Variants in STARD13 observed in about 807,000 individuals in gnomAD.
The protein encoded by STARD13 is StAR related lipid transfer domain containing 13, also known as stAR-related lipid transfer protein 13.
In STARD13, 62 loss-of-function variants were observed where a neutral mutation model predicts 106.4. The observed-to-expected ratio is 0.58, with a 90% CI of 0.48 to 0.72. STARD13 has a LOEUF of 0.72. Among genes scored for constraint, STARD13 ranks in the 30% least tolerant of loss-of-function variants. STARD13 has a pLI of 0.00. For missense variants in STARD13, 1,387 were observed against 1,424.0 expected (o/e 0.97, Z 0.42); for synonymous variants, 565 against 553.0 (o/e 1.02, Z -0.31).
At chr13:33,652,700 G>C in the STARD13 span, among the ~76,000 whole-genome samples, 1 of 152,094 alleles carries the variant, frequency 6.6e-6, no homozygotes, top group Non-Finnish European at 1.5e-5. Flanking sequence ...AACTACTTAG[G>C]AGAAAAAATG....
At chr13:33,540,822 A>G in the STARD13 span, among the ~76,000 whole-genome samples, 3 of 152,366 alleles carry the variant, frequency 2.0e-5, no homozygotes, top group South Asian at 6.2e-4. Flanking sequence ...AGGAAAGGGC[A>G]AAGTCAGTAA....
chr13:33,337,571 C>G (rs1175192561), intron 1 of STARD13, among the ~76,000 whole-genome samples: 1 of 152,138 alleles, frequency 6.6e-6, no homozygotes, highest in Admixed American at 6.5e-5. Flanking sequence ...TTGTCAGAAT[C>G]AATAAACAAT....
Position 33,142,303 on chromosome 13 carries a change from C to T in STARD13, c.387+7G>A, listed in dbSNP as rs990082039. On this transcript the variant is annotated splice_region_variant and intron_variant, in intron 4 of 13. Coordinates refer to ENST00000336934, the MANE Select transcript of STARD13 (RefSeq NM_178006.4). Reference sequence around the variant, plus strand: ...AGCCACATTCTTATTAAGGTGTGGGCACCTACCTTTTTCCTTTGGAAGTTC... The same window carrying T: ...AGCCACATTCTTATTAAGGTGTGGGTACCTACCTTTTTCCTTTGGAAGTTC... 4 of 1,612,216 alleles carry T rather than the reference C, an allele frequency of 2.5e-6. No homozygotes were observed. Among genetic ancestry groups the T allele is most frequent in the Non-Finnish European group, 1.7e-6 (2 of 1,178,306 alleles).
At chr13:33,468,657 G>T in the STARD13 span, among the ~76,000 whole-genome samples, 3 of 148,208 alleles carry the variant, frequency 2.0e-5, no homozygotes, top group Non-Finnish European at 3.0e-5. Context: ...ACTCTCACCA[G>T]ATGCTAATGT....
chr13:33,474,436 G>A, the STARD13 span, among the ~76,000 whole-genome samples: 2 of 152,202 alleles, frequency 1.3e-5, no homozygotes, highest in Non-Finnish European at 2.9e-5. Context: ...GAATTCTGAG[G>A]TAAAAGCTAG....
the STARD13 span, among the ~76,000 whole-genome samples, chr13:33,560,939 C>A: frequency 6.6e-6 from 1 of 151,440 alleles, no homozygotes. Flanking sequence ...AACTTACATT[C>A]TTTGGACTGA....
At chr13:33,528,265 T>TATATATATATATATATATAC in the STARD13 span, among the ~76,000 whole-genome samples, 5 of 131,546 alleles carry the variant, frequency 3.8e-5, no homozygotes, top group African/African-American at 1.6e-4. Context: ...TACATATATA[T>TATATATATATATATATATAC]ATATATATAC....
At chr13:33,364,313 A>C in the STARD13 span, among the ~76,000 whole-genome samples, 1 of 152,288 alleles carries the variant, frequency 6.6e-6, no homozygotes, top group Admixed American at 6.5e-5. Flanking sequence ...AAAAAATAAA[A>C]TTTAAAAACA....
chr13:33,286,619 C>A (rs889149617), upstream of STARD13, among the ~76,000 whole-genome samples: 1 of 152,104 alleles, frequency 6.6e-6, no homozygotes, highest in African/African-American at 2.4e-5. Context: ...TCAAAAAGGA[C>A]GCAAACACAA....
At position 33,285,573 on chromosome 13, in the gene STARD13, C is replaced by T; in HGVS notation, c.66G>A (p.Glu22=). The change falls in exon 1 of 14, where the codon GAG becomes GAA. Residue 22 remains glutamate, a synonymous_variant. Transcript: ENST00000336934. The part of the protein sequence containing the change: ...GCYYLNSMTP[E]GQEMYLRFDQ... ...CAAATCGCAAGTACATCTCCTGGCC[C>T]TCAGGTGTCATGGAATTTAGGTAGT... is the stretch of plus-strand genomic sequence containing the variant. The T allele has an allele frequency of 6.2e-7, 1 of 1,613,992 alleles. No homozygotes were observed. The highest frequency in any genetic ancestry group is 2.2e-5 in the East Asian group (1 of 44,874).
At chr13:33,158,738 A>G (rs1382963656) in intron 3 of STARD13, 1 of 152,134 alleles carries the variant, frequency 6.6e-6, no homozygotes, top group African/African-American at 2.4e-5. Context: ...AAAGTTTTAA[A>G]AGTGCTGCCG....
At chr13:33,557,029 C>A in the STARD13 span, among the ~76,000 whole-genome samples, 1 of 152,174 alleles carries the variant, frequency 6.6e-6, no homozygotes, top group African/African-American at 2.4e-5. Flanking sequence ...TCAAACAGTA[C>A]CTAGCTGGAT....
the STARD13 span, among the ~76,000 whole-genome samples, chr13:33,546,220 TTC>T: frequency 6.6e-6 from 1 of 152,202 alleles, no homozygotes; most frequent in South Asian, 2.1e-4. Flanking sequence ...TCTGATTTTT[TTC>T]TCTTATTTTC....
At chr13:33,552,205 T>C in the STARD13 span, among the ~76,000 whole-genome samples, 1 of 152,054 alleles carries the variant, frequency 6.6e-6, no homozygotes, top group Admixed American at 6.6e-5. Flanking sequence ...AACACCCCAA[T>C]CTCGATAATT....
the STARD13 span, among the ~76,000 whole-genome samples, chr13:33,583,045 T>C: frequency 6.6e-6 from 1 of 152,210 alleles, no homozygotes; most frequent in Non-Finnish European, 1.5e-5. Context: ...AGGTTCTCTG[T>C]GAACTGCATG....
the STARD13 span, among the ~76,000 whole-genome samples, chr13:33,577,685 G>A: frequency 2.6e-5 from 4 of 151,954 alleles, no homozygotes; most frequent in African/African-American, 7.3e-5. Context: ...ATCTAGACAC[G>A]GAGCTTGCAT....
chr13:33,509,025 G>T, the STARD13 span, among the ~76,000 whole-genome samples: 1 of 152,176 alleles, frequency 6.6e-6, no homozygotes, highest in Non-Finnish European at 1.5e-5. Flanking sequence ...AAAAGGTACT[G>T]TAAAAATATG....
At chr13:33,655,645 C>T in the STARD13 span, among the ~76,000 whole-genome samples, 1 of 152,272 alleles carries the variant, frequency 6.6e-6, no homozygotes, top group East Asian at 1.9e-4. Flanking sequence ...TAGATGTAAG[C>T]CCTTTGGAAA....
chr13:33,672,497 G>T, the STARD13 span, among the ~76,000 whole-genome samples: 1,592 of 152,228 alleles, frequency 0.01, 24 homozygotes, highest in African/African-American at 0.035. Context: ...AAACCTGCAC[G>T]TTCTGCACAT....
Sources: gnomAD v4.1 joint callset for allele counts (sites outside exome capture counted in the v4.1 genomes callset) on GRCh38, gnomAD v4.1.1 for gene constraint, MANE v1.5 for transcripts, NCBI Gene and HGNC (gene_info 2026-07-23, HGNC 2026-07-21) for gene names.